SLC19A1: variants seen among roughly 807,000 people sequenced by gnomAD.
SLC19A1 encodes reduced folate transporter.
In SLC19A1, 37 loss-of-function variants were observed where a neutral mutation model predicts 35.3. That is an observed-to-expected ratio of 1.05 (90% CI 0.81 to 1.38). The LOEUF (loss-of-function observed/expected upper bound fraction) is 1.38. SLC19A1 is among the 40% of genes most tolerant of loss of function. SLC19A1 has a pLI of 0.00. For synonymous variants in SLC19A1, 460 were observed against 398.5 expected (o/e 1.15, Z -1.84); for missense variants, 831 against 826.9 (o/e 1.00, Z -0.06).
chr21:45,507,034 AG>A (rs1455520569), intron 3 of SLC19A1: 2 of 312,470 alleles, frequency 6.4e-6, no homozygotes, highest in Non-Finnish European at 1.3e-5. Flanking sequence ...AGGAGGAGGC[AG>A]GGGATGGCAT....
chr21:45,560,975 C>A (rs901000916), intron 1 of SLC19A1, among the ~76,000 whole-genome samples: 6 of 152,224 alleles, frequency 3.9e-5, no homozygotes, highest in Admixed American at 6.5e-5. Flanking sequence ...TGTGGTCATT[C>A]CCTGCCCTTA....
chr21:45,514,923 G>T lies in SLC19A1; in HGVS notation c.*735C>A. ...AGGCCAGCACGTCCGCGGTGACCGG[G>T]ACCAGTCCCCTCCGGGCTGGCACAA... On this transcript the variant is annotated 3_prime_UTR_variant, in exon 6 of 6. Transcript: ENST00000311124. The T allele has an allele frequency of 1.5e-6, 2 of 1,360,640 alleles. No homozygotes were observed. Among genetic ancestry groups the T allele is most frequent in the South Asian group, 1.5e-5 (1 of 65,358 alleles). 84.3% of individuals were successfully genotyped at this position (1,360,640 alleles called of 1,614,324 possible).
At chr21:45,553,264 G>A (rs893448305) in intron 1 of SLC19A1, among the ~76,000 whole-genome samples, 5 of 152,082 alleles carry the variant, frequency 3.3e-5, no homozygotes, top group Admixed American at 6.5e-5. Context: ...GACGGGAGCC[G>A]CTGACCTTTA....
At chr21:45,555,205 AGGGGGCGGTG>A (rs1262767691) in intron 1 of SLC19A1, among the ~76,000 whole-genome samples, 2 of 7,256 alleles carry the variant, frequency 2.8e-4, no homozygotes, top group East Asian at 3.6e-3. Context: ...GGGGCGGCGC[AGGGGGCGGTG>A]GGGGGCGCCG....
At position 45,503,802 on chromosome 21, in the gene SLC19A1, T is replaced by A. The variant is rs76521576; in HGVS notation, c.498-5190A>T. 7.3e-4 allele frequency: 230 copies of A among 314,386 alleles called. 2 individuals carry two copies. In the East Asian group the frequency reaches 9.7e-3, roughly 13 times the overall value. 19.5% of individuals were successfully genotyped at this position (314,386 alleles called of 1,614,324 possible). On this transcript the variant is annotated intron_variant, in intron 3 of 4. Coordinates refer to the SLC19A1 transcript ENST00000417954. ...AAAGTATAATAATAAATTTAAAAAA[T>A]TTAAAAATAAAATAAAAATAAAAAG...
At chr21:45,509,745 G>A (rs778741854), downstream of SLC19A1, 139 of 702,486 alleles carry the variant, frequency 2.0e-4, 1 homozygote, top group East Asian at 2.1e-3. Flanking sequence ...CACTCAGGGC[G>A]GCTTGGCTGG....
chr21:45,502,679 TC>T (rs1438141806), intron 3 of SLC19A1: 4 of 152,178 alleles, frequency 2.6e-5, no homozygotes, highest in Admixed American at 2.6e-4. Flanking sequence ...AGCAAAGGGC[TC>T]CTCCGTGGTC....
At chr21:45,508,505 G>A (rs2037384295), downstream of SLC19A1, among the ~76,000 whole-genome samples, 1 of 150,714 alleles carries the variant, frequency 6.6e-6, no homozygotes, top group African/African-American at 2.5e-5. Flanking sequence ...ATGGATGGTG[G>A]GTAAGTGGGT....
At chr21:45,529,627 A>G (rs931822786) in intron 4 of SLC19A1, among the ~76,000 whole-genome samples, 1 of 110,418 alleles carries the variant, frequency 9.1e-6, no homozygotes, top group Admixed American at 9.1e-5. Context: ...GAACGTGTCC[A>G]TGTGTAAACG....
At chr21:45,537,719 T>TGGGGGGGGGGCCCCCCCCCCCCCC in intron 2 of SLC19A1, 52 bp downstream of exon 2, 2 of 319,776 alleles carry the variant, frequency 6.3e-6, no homozygotes, top group Non-Finnish European at 1.1e-5. Flanking sequence ...CAGACGCTGC[T>TGGGGGGGGGGCCCCCCCCCCCCCC]CCCCGCCCAC....
At chr21:45,541,061 CT>C (rs924938544) in intron 1 of SLC19A1, among the ~76,000 whole-genome samples, 2 of 152,194 alleles carry the variant, frequency 1.3e-5, no homozygotes, top group Non-Finnish European at 2.9e-5. Flanking sequence ...CCTCCCACCC[CT>C]GTTCAGATGA....
At chr21:45,521,976 C>G (rs185953073) in intron 5 of SLC19A1, among the ~76,000 whole-genome samples, 13 of 152,088 alleles carry the variant, frequency 8.5e-5, no homozygotes, top group Middle Eastern at 3.4e-3. Flanking sequence ...ACTGTTAAAT[C>G]AGAGCTCATG....
In SLC19A1 at chr21:45,504,541, C is replaced by T. The variant is rs2146075430; in HGVS notation, c.498-5929G>A. ...CCCCAGGCCCCCCAGGCCCACGTGGCTACCCTGGGATTCCAGTAAGTCCCA... is the reference window on the plus strand; with the variant it reads ...CCCCAGGCCCCCCAGGCCCACGTGGTTACCCTGGGATTCCAGTAAGTCCCA... On this transcript the variant is annotated intron_variant, in intron 3 of 4. Transcript: ENST00000417954. The T allele has an allele frequency of 3.2e-6, 5 of 1,576,896 alleles. No homozygotes were observed. The highest frequency in any genetic ancestry group is 4.3e-6 in the Non-Finnish European group (5 of 1,162,290).
At position 45,533,414 on chromosome 21, in the gene SLC19A1, C is replaced by T. The variant is rs111516497; in HGVS notation, c.190-1266G>A. 0.011 allele frequency among the ~76,000 whole-genome samples: 1,617 copies of T among 148,318 alleles called. 26 individuals carry two copies. The highest frequency in any genetic ancestry group is 0.04 in the African/African-American group (1,527 of 38,060). On this transcript the variant is annotated intron_variant, in intron 2 of 5. Coordinates refer to ENST00000311124, the MANE Select transcript of SLC19A1 (RefSeq NM_194255.4). This position sits in a 1 kb window ranked among gnomAD's most constrained non-coding sequence, Gnocchi z 4.5. The stretch of plus-strand genomic sequence containing the variant: ...GGGGCCAGGGCTGCTGTGGGCACAC[C>T]TGGGCACACCTGGGCACAGTCCAGA...
At chr21:45,506,379 A>T in intron 3 of SLC19A1, 1 of 344,964 alleles carries the variant, frequency 2.9e-6, no homozygotes, top group Non-Finnish European at 5.7e-6. Context: ...GTGGCTCTGC[A>T]CCCCGCGTTA....
At chr21:45,539,877 G>A (rs2078249789) in intron 1 of SLC19A1, among the ~76,000 whole-genome samples, 1 of 152,160 alleles carries the variant, frequency 6.6e-6, no homozygotes, top group African/African-American at 2.4e-5. Flanking sequence ...CGAGGTTTCC[G>A]GAGCTCCACG....
intron 1 of SLC19A1, among the ~76,000 whole-genome samples, chr21:45,556,949 G>C (rs1269104950): frequency 6.6e-6 from 1 of 151,990 alleles, no homozygotes; most frequent in Non-Finnish European, 1.5e-5. Flanking sequence ...GTGTCTCCTG[G>C]GACGGCGACT....
intron 3 of SLC19A1, chr21:45,507,035 G>T: frequency 3.2e-6 from 1 of 316,288 alleles, no homozygotes; most frequent in South Asian, 2.7e-5. Flanking sequence ...GGAGGAGGCA[G>T]GGGATGGCAT....
upstream of SLC19A1, among the ~76,000 whole-genome samples, chr21:45,545,119 G>A (rs1014350555): frequency 2.0e-5 from 3 of 152,208 alleles, no homozygotes; most frequent in Non-Finnish European, 2.9e-5. Flanking sequence ...CCATGCAGAC[G>A]TGCAGAGACG....
Sources: allele counts gnomAD v4.1 joint callset (sites outside exome capture counted in the v4.1 genomes callset), GRCh38; gene constraint gnomAD v4.1.1; non-coding constraint Gnocchi (gnomAD v3.1); transcripts MANE v1.5; gene names NCBI Gene and HGNC (gene_info 2026-07-23, HGNC 2026-07-21).